Variants in RPL36AL observed in about 807,000 individuals in gnomAD.
RPL36AL encodes the protein ribosomal protein L36a like.
RPL36AL carries 8 observed loss-of-function variants against 7.9 expected under a neutral mutation model. The ratio of observed to expected loss-of-function variants is 1.02; its 90% CI spans 0.60 to 1.84. RPL36AL has a LOEUF of 1.84. RPL36AL is among the 40% of genes most tolerant of loss of function. The pLI is 0.00. For missense variants in RPL36AL, 76 were observed against 126.8 expected, an observed-to-expected ratio of 0.60 and a Z score of 1.93; for synonymous variants, 44 against 44.8, an observed-to-expected ratio of 0.98 and a Z score of 0.07.
At chr14:49,619,208 G>T in intron 1 of RPL36AL, 68 bp from the exon 2 acceptor site, 2 of 984,052 alleles carry the variant, frequency 2.0e-6, no homozygotes, top group Non-Finnish European at 3.0e-6. Context: ...TGCTATACAA[G>T]TATATACAGG....
Position 49,618,727 on chromosome 14 carries a change from A to G in RPL36AL, c.*57T>C. ...TCACTGTATTTATTTTCCCTCGGGTAACTTTTCTATGGCTTCACCATTTTC... is the reference window on the plus strand; with the variant it reads ...TCACTGTATTTATTTTCCCTCGGGTGACTTTTCTATGGCTTCACCATTTTC... On this transcript the variant is annotated 3_prime_UTR_variant, in exon 2 of 2. Transcript: ENST00000298289. 1.4e-6 allele frequency: 2 copies of G among 1,415,534 alleles called. No homozygotes were observed. The highest frequency in any genetic ancestry group is 1.9e-6 in the Non-Finnish European group (2 of 1,027,302). 87.7% of individuals were successfully genotyped at this position (1,415,534 alleles called of 1,614,324 possible).
Position 49,620,583 on chromosome 14 carries a change from T to C in RPL36AL, c.-58A>G, listed in dbSNP as rs778351688. The C allele has an allele frequency of 1.7e-3, 334 of 197,428 alleles. No individual in the cohort carries two copies. Among genetic ancestry groups the C allele is most frequent in the Non-Finnish European group, 2.5e-3 (242 of 97,010 alleles). The allele number at this position is 197,428 out of a possible 1,614,324, so 12.2% of individuals were successfully genotyped here. A position where few individuals can be genotyped will look rare whatever the true frequency, so the allele number is the denominator to read the frequency against. ...TTACCGAGAAACAGCGCCCGACACCTGGCCCTTCGCAGCTCTCGCCTTTCG... is the reference window on the plus strand; with the variant it reads ...TTACCGAGAAACAGCGCCCGACACCCGGCCCTTCGCAGCTCTCGCCTTTCG... On this transcript the variant is annotated 5_prime_UTR_variant, in exon 1 of 2. Coordinates refer to ENST00000298289, the MANE Select transcript of RPL36AL (RefSeq NM_001001.5).
Position 49,618,761 on chromosome 14 carries a change from A to G in RPL36AL, c.*23T>C, listed in dbSNP as rs1566501963. On this transcript the variant is annotated 3_prime_UTR_variant, in exon 2 of 2. Transcript: ENST00000298289. ...ATGGCTTCACCATTTTCTCTTCAAA[A>G]TTGAAGAAAAATATCCCAAAGTTTA... 6.3e-7 allele frequency: 1 copy of G among 1,580,186 alleles called. No individual in the cohort carries two copies. Among genetic ancestry groups the G allele is most frequent in the Non-Finnish European group, 8.6e-7 (1 of 1,156,824 alleles).
chr14:49,618,950 G>A lies in RPL36AL; in HGVS notation c.155C>T (p.Thr52Ile). 6.2e-7 allele frequency: 1 copy of A among 1,613,798 alleles called. No individual in the cohort carries two copies. The highest frequency in any genetic ancestry group is 8.5e-7 in the Non-Finnish European group (1 of 1,179,860). Residue 52 changes from threonine to isoleucine, a missense_variant, in exon 2 of 2, where the codon ACA (threonine) becomes ATA (isoleucine). Coordinates refer to ENST00000298289, the MANE Select transcript of RPL36AL (RefSeq NM_001001.5). ...AGCCTTCTTCCGGAAAATTGGCTTT[G>A]TCTGCCCACCATAGCCACTCTGCTT... ...DRKQSGYGGQ[T>I]KPIFRKKAKT...
Position 49,618,847 on chromosome 14 carries a change from C to G in RPL36AL, c.258G>C (p.Lys86Asn). Residue 86 changes from lysine (K) to asparagine (N), a missense_variant, in exon 2 of 2, where the codon AAG (lysine) becomes AAC (asparagine). Transcript: ENST00000298289. ...CTCCCAGTTCAAAATGCTTGCATCT[C>G]TTAATGGCCAGCATCCTCTTGGATC... ...NCRSKRMLAIKRCKHFELGGD... is the reference protein window; with the variant it reads ...NCRSKRMLAINRCKHFELGGD... 3.7e-6 allele frequency: 6 copies of G among 1,612,358 alleles called. No homozygotes were observed. The highest frequency in any genetic ancestry group is 3.4e-6 in the Non-Finnish European group (4 of 1,179,808).
At chr14:49,619,208 GTA>G (rs1361633925) in intron 1 of RPL36AL, 68 bp from the exon 2 acceptor site, 8 of 983,936 alleles carry the variant, frequency 8.1e-6, no homozygotes, top group Non-Finnish European at 1.1e-5. Context: ...TGCTATACAA[GTA>G]TATACAGGAA....
chr14:49,618,879 T>C lies in RPL36AL; in HGVS notation c.226A>G (p.Asn76Asp). The C allele has an allele frequency of 1.2e-6, 2 of 1,612,632 alleles. No homozygotes were observed. The highest frequency in any genetic ancestry group is 1.7e-6 in the Non-Finnish European group (2 of 1,179,840). ...IVLRLECVEPNCRSKRMLAIK... is the reference protein window; with the variant it reads ...IVLRLECVEPDCRSKRMLAIK... The stretch of plus-strand genomic sequence containing the variant: ...GCCAGCATCCTCTTGGATCTGCAGT[T>C]AGGCTCAACACATTCCAGCCTTAGC... The change falls in exon 2 of 2, where the codon AAC becomes GAC. Residue 76 changes from asparagine (N) to aspartate (D), a missense_variant. By Grantham distance (23) the Asn-to-Asp change is conservative. Coordinates refer to ENST00000298289, the MANE Select transcript of RPL36AL (RefSeq NM_001001.5).
intron 1 of RPL36AL, among the ~76,000 whole-genome samples, chr14:49,619,414 G>A (rs1882765829): frequency 6.6e-6 from 1 of 152,180 alleles, no homozygotes; most frequent in South Asian, 2.1e-4. Flanking sequence ...TTGGGAGGCC[G>A]AGAAGGGCGG....
rs886228874 is a variant in RPL36AL at position 49,620,588 on chromosome 14, CTTCGCAGCTCTCGCCT to C, written c.-79_-64del. On this transcript the variant is annotated 5_prime_UTR_variant, in exon 1 of 2. Coordinates refer to ENST00000298289, the MANE Select transcript of RPL36AL (RefSeq NM_001001.5). ...GAGAAACAGCGCCCGACACCTGGCC[CTTCGCAGCTCTCGCCT>C]TTCGCAGCTCTCGCCTAACAGGAAA... 1.2e-4 allele frequency: 24 copies of C among 204,474 alleles called. No homozygotes were observed. The highest frequency in any genetic ancestry group is 2.3e-4 in the African/African-American group (10 of 43,184). 12.7% of individuals were successfully genotyped at this position (204,474 alleles called of 1,614,324 possible).
chr14:49,619,285 C>T (rs1882759998), intron 1 of RPL36AL, 145 bp from the exon 2 acceptor site: 1 of 591,810 alleles, frequency 1.7e-6, no homozygotes, highest in South Asian at 2.2e-5. Context: ...TGAATAAACG[C>T]ACATACAAGT....
rs1882742829 is a variant in RPL36AL at position 49,618,862 on chromosome 14, C to T, written c.243G>A (p.Arg81=). 1 of 1,612,480 alleles carries T rather than the reference C, an allele frequency of 6.2e-7. No individual in the cohort carries two copies. Residue 81 remains arginine (R), a synonymous_variant, in exon 2 of 2, where the codon AGG becomes AGA. Transcript: ENST00000298289. ...GCTTGCATCTCTTAATGGCCAGCAT[C>T]CTCTTGGATCTGCAGTTAGGCTCAA... ...ECVEPNCRSK[R]MLAIKRCKHF... is the part of the protein sequence containing the mutation.
chr14:49,620,425 G>C (rs1882800045), intron 1 of RPL36AL, 137 bp downstream of exon 1: 1 of 152,672 alleles, frequency 6.5e-6, no homozygotes, highest in African/African-American at 2.4e-5. Flanking sequence ...TTCCTGAAGG[G>C]AGAAGCCTGC....
rs765992668 is a variant in RPL36AL, at chr14:49,618,834, A to G, written c.271T>C (p.Phe91Leu). 6.2e-7 allele frequency: 1 copy of G among 1,612,264 alleles called. No individual in the cohort carries two copies. Among genetic ancestry groups the G allele is most frequent in the Admixed American group, 1.7e-5 (1 of 60,002 alleles). The change falls in exon 2 of 2, where the codon TTT becomes CTT. Residue 91 changes from phenylalanine to leucine, a missense_variant. Phe to Leu is a conservative substitution (Grantham distance 22). Transcript: ENST00000298289. ...CTCTTCTTATCTCCTCCCAGTTCAA[A>G]ATGCTTGCATCTCTTAATGGCCAGC... ...RMLAIKRCKH[F>L]ELGGDKKRKG...
intron 1 of RPL36AL, among the ~76,000 whole-genome samples, chr14:49,620,154 G>A (rs191457999): frequency 6.6e-6 from 1 of 152,306 alleles, no homozygotes; most frequent in Non-Finnish European, 1.5e-5. Flanking sequence ...CTTCCGAAAA[G>A]GAAGTTAAGG....
chr14:49,620,374 G>A (rs1882798373), intron 1 of RPL36AL, among the ~76,000 whole-genome samples, 188 bp downstream of exon 1: 2 of 152,212 alleles, frequency 1.3e-5, no homozygotes, highest in Admixed American at 1.3e-4. Context: ...TATCAAGCCG[G>A]CGCGCCCCGC....
rs1257930136 is a variant in RPL36AL, at chr14:49,618,973, C to T, written c.132G>A (p.Lys44=). 1 of 1,613,990 alleles carries T rather than the reference C, an allele frequency of 6.2e-7. No homozygotes were observed. The highest frequency in any genetic ancestry group is 1.3e-5 in the African/African-American group (1 of 75,048). ...TTGTCTGCCCACCATAGCCACTCTG[C>T]TTCCGATCATAGCGCCTCCTTCCCT... ...YAQGRRRYDR[K]QSGYGGQTKP... is the part of the protein sequence containing the mutation. The change falls in exon 2 of 2, where the codon AAG becomes AAA. Residue 44 remains lysine (K), a synonymous_variant. Coordinates refer to ENST00000298289, the MANE Select transcript of RPL36AL (RefSeq NM_001001.5).
chr14:49,619,637 A>G (rs892440294), intron 1 of RPL36AL, among the ~76,000 whole-genome samples: 1 of 152,190 alleles, frequency 6.6e-6, no homozygotes, highest in Non-Finnish European at 1.5e-5. Flanking sequence ...TCTCAAAAAA[A>G]AAAAAGAACT....
At chr14:49,619,873 A>G (rs1882782828) in intron 1 of RPL36AL, among the ~76,000 whole-genome samples, 1 of 152,198 alleles carries the variant, frequency 6.6e-6, no homozygotes, top group Non-Finnish European at 1.5e-5. Flanking sequence ...CGCGGACATA[A>G]TGGGTGAAGC....
In RPL36AL at chr14:49,618,580, G is replaced by C; in HGVS notation, c.*204C>G. ...TTTGAAATTGACCAGAAAACAAAAA[G>C]TAGTAAAGTAGTATTTTCCCTTCAT... On this transcript the variant is annotated 3_prime_UTR_variant, in exon 2 of 2. Coordinates refer to ENST00000298289, the MANE Select transcript of RPL36AL (RefSeq NM_001001.5). The C allele has an allele frequency of 1.8e-6, 1 of 560,302 alleles. No individual in the cohort carries two copies. 34.7% of individuals were successfully genotyped at this position (560,302 alleles called of 1,614,324 possible).
Sources: allele counts gnomAD v4.1 joint callset (sites outside exome capture counted in the v4.1 genomes callset), GRCh38; gene constraint gnomAD v4.1.1; transcripts MANE v1.5; gene names NCBI Gene and HGNC (gene_info 2026-07-23, HGNC 2026-07-21).